RNF213: variants seen among roughly 807,000 people sequenced by gnomAD.
The protein encoded by RNF213 is E3 ubiquitin-protein ligase RNF213.
Under a neutral mutation model 514.4 loss-of-function variants are expected in RNF213, and 341 were observed. That is an observed-to-expected ratio of 0.66 (90% CI 0.61 to 0.73). The LOEUF (loss-of-function observed/expected upper bound fraction) is 0.73, where lower values mean the gene tolerates loss of function less well. Ranked by LOEUF, RNF213 falls within the 30% of genes least tolerant of loss-of-function variation. The pLI, the probability that RNF213 is intolerant of heterozygous loss-of-function variation, is 0.00. For missense variants in RNF213, 5,767 were observed against 6,615.6 expected (o/e 0.87, Z 4.45); for synonymous variants, 2,655 against 2,658.2 (o/e 1.00, Z 0.04).
Position 80,390,247 on chromosome 17 carries a change from T to C in RNF213, c.15470+51T>C, listed in dbSNP as rs370071100. ...GGGGCAGACACAATGTTGTGCTGTCTCTCCTGTGATCTTCTATAGACACAA... is the reference window on the plus strand; with the variant it reads ...GGGGCAGACACAATGTTGTGCTGTCCCTCCTGTGATCTTCTATAGACACAA... On this transcript the variant is annotated intron_variant, in intron 67 of 67. Transcript: ENST00000582970. 6.7e-5 allele frequency: 104 copies of C among 1,552,020 alleles called. 6 individuals are homozygous for C. The highest frequency in any genetic ancestry group is 2.7e-4 in the Admixed American group (16 of 59,862).
At chr17:80,313,575 ATGGAGGTGG>A in intron 15 of RNF213, among the ~76,000 whole-genome samples, 1 of 114,418 alleles carries the variant, frequency 8.7e-6, no homozygotes, top group Non-Finnish European at 1.9e-5. Context: ...GATGGTGGTC[ATGGAGGTGG>A]TGGAGGTGAT....
intron 38 of RNF213, among the ~76,000 whole-genome samples, chr17:80,360,756 G>A (rs1233324177): frequency 6.6e-6 from 1 of 152,168 alleles, no homozygotes; most frequent in African/African-American, 2.4e-5. Context: ...AAAAACCAAC[G>A]ACAACGCAAC....
chr17:80,352,795 CA>C, intron 32 of RNF213, 144 bp from the exon 33 acceptor site: 1 of 1,255,048 alleles, frequency 8.0e-7, no homozygotes, highest in African/African-American at 1.5e-5. Flanking sequence ...TGCGCAGGCC[CA>C]TTCCAGGGTT....
rs1166853173 is a variant in RNF213, at chr17:80,343,908, T to C, written c.6235T>C (p.Leu2079=). The change falls in exon 28 of 68, where the codon TTA becomes CTA. Residue 2079 remains leucine (L), a synonymous_variant. Coordinates refer to ENST00000582970, the MANE Select transcript of RNF213 (RefSeq NM_001256071.3). The surrounding 1 kb of genome is among the most constrained non-coding windows in gnomAD (Gnocchi z 4.3). ...FLFKLLILQY[L]MDINGKMWLR... ...TTTCAAGCTCCTCATTTTACAATAC[T>C]TAATGGATATAAATGGGAAAATGTG... is the stretch of plus-strand genomic sequence containing the variant. 1.2e-6 allele frequency: 2 copies of C among 1,614,084 alleles called. No homozygotes were observed. The highest frequency in any genetic ancestry group is 1.1e-5 in the South Asian group (1 of 91,086).
At position 80,363,693 on chromosome 17, in the gene RNF213, T is replaced by G; in HGVS notation, c.11653T>G (p.Leu3885Val). ...LKPSPQAWLQLVKNLSMPLEL... is the reference protein window; with the variant it reads ...LKPSPQAWLQVVKNLSMPLEL... Reference sequence around the variant, plus strand: ...GCCCAGTCCCCAGGCGTGGCTACAGTTGGTGAAGAATCTTTCCATGCCGCT... The same window carrying G: ...GCCCAGTCCCCAGGCGTGGCTACAGGTGGTGAAGAATCTTTCCATGCCGCT... The change falls in exon 41 of 68, where the codon TTG becomes GTG. Residue 3885 changes from leucine (L) to valine (V), a missense_variant. This residue lies in a region of RNF213 where 355 missense variants were observed against 358.0 expected (regional missense o/e 0.99). Transcript: ENST00000582970. 6.2e-7 allele frequency: 1 copy of G among 1,613,926 alleles called. No homozygotes were observed. The highest frequency in any genetic ancestry group is 8.5e-7 in the Non-Finnish European group (1 of 1,179,966).
chr17:80,321,788 A>T (rs185110638), intron 17 of RNF213, among the ~76,000 whole-genome samples: 2 of 152,136 alleles, frequency 1.3e-5, no homozygotes, highest in African/African-American at 4.8e-5. Context: ...CAGTGGCGTG[A>T]TCTTGGCTCA....
rs995518482 is a variant in RNF213 at position 80,397,849 on chromosome 17, A to C, written c.*4351A>C. The C allele has an allele frequency of 1.3e-5, 2 of 149,410 alleles. No individual in the cohort carries two copies. The highest frequency in any genetic ancestry group is 3.0e-5 in the Non-Finnish European group (2 of 67,664). The allele number at this position is 149,410 out of a possible 1,614,324, so 9.3% of individuals were successfully genotyped here. On this transcript the variant is annotated 3_prime_UTR_variant, in exon 68 of 68. Coordinates refer to ENST00000582970, the MANE Select transcript of RNF213 (RefSeq NM_001256071.3). ...GTTGAGGCAGCCCCTCAGACGGCTT[A>C]GGCCTGCCCTGTGGAGCATCCCTGT...
intron 54 of RNF213, among the ~76,000 whole-genome samples, chr17:80,379,255 A>G (rs1414731129): frequency 6.6e-6 from 1 of 152,252 alleles, no homozygotes; most frequent in South Asian, 2.1e-4. Context: ...AAGCTCTTCT[A>G]GTATTCTTGG....
At chr17:80,370,940 A>G (rs1214925826) in intron 46 of RNF213, among the ~76,000 whole-genome samples, 1 of 152,176 alleles carries the variant, frequency 6.6e-6, no homozygotes, top group Non-Finnish European at 1.5e-5. Context: ...ATTCTCCACT[A>G]TGAGCTTGTG....
At chr17:80,390,616 C>A (rs1896926905) in intron 67 of RNF213, among the ~76,000 whole-genome samples, 1 of 151,312 alleles carries the variant, frequency 6.6e-6, no homozygotes, top group African/African-American at 2.4e-5. Flanking sequence ...AGGCTGGTCT[C>A]GAACTCCTGG....
intron 31 of RNF213, 30 bp from the exon 32 acceptor site, chr17:80,351,655 A>G (rs1208686734): frequency 8.5e-7 from 1 of 1,171,774 alleles, no homozygotes; most frequent in South Asian, 1.3e-5. Context: ...TGTTTTTAAA[A>G]TAGGTATTCT....
At chr17:80,385,214 G>T in intron 60 of RNF213, 43 bp downstream of exon 60, 8 of 1,613,620 alleles carry the variant, frequency 5.0e-6, no homozygotes, top group Non-Finnish European at 5.1e-6. Context: ...CCCGCATTTG[G>T]CGGTTCGAAA....
chr17:80,283,052 G>T (rs2044352626), intron 3 of RNF213, among the ~76,000 whole-genome samples: 1 of 152,006 alleles, frequency 6.6e-6, no homozygotes, highest in Non-Finnish European at 1.5e-5. Flanking sequence ...AAATGTAGGG[G>T]GATATTTATA....
In RNF213 at chr17:80,343,355, C is replaced by T; in HGVS notation, c.6183+30C>T. 1.9e-6 allele frequency: 3 copies of T among 1,590,464 alleles called. No individual in the cohort carries two copies. Among genetic ancestry groups the T allele is most frequent in the Non-Finnish European group, 2.6e-6 (3 of 1,163,776 alleles). On this transcript the variant is annotated intron_variant, in intron 27 of 67. Coordinates refer to ENST00000582970, the MANE Select transcript of RNF213 (RefSeq NM_001256071.3). The surrounding 1 kb of genome is among the most constrained non-coding windows in gnomAD (Gnocchi z 4.3). The stretch of plus-strand genomic sequence containing the variant: ...GTGCCCTCCAGCGTCAGCCGATGGC[C>T]ACATCAGTAAAGACGTGGTCCCCAT...
At chr17:80,335,282 C>G (rs950720082) in intron 22 of RNF213, among the ~76,000 whole-genome samples, 2 of 152,122 alleles carry the variant, frequency 1.3e-5, no homozygotes, top group African/African-American at 2.4e-5. Context: ...TTCTTGGCAG[C>G]CTCTTCAGTT....
intron 36 of RNF213, among the ~76,000 whole-genome samples, chr17:80,356,378 C>T (rs2078822054): frequency 6.6e-6 from 1 of 152,222 alleles, no homozygotes; most frequent in Non-Finnish European, 1.5e-5. Context: ...TCTGCTCTTC[C>T]CCACTCTGCT....
At chr17:80,295,468 T>G in intron 9 of RNF213, 89 bp from the exon 10 acceptor site, 6 of 1,549,328 alleles carry the variant, frequency 3.9e-6, no homozygotes, top group Non-Finnish European at 5.3e-6. Flanking sequence ...TGGGGTCTGC[T>G]GCCCTAGCTG....
At chr17:80,371,847 C>T in intron 46 of RNF213, 27 bp from the exon 47 acceptor site, 1 of 1,163,318 alleles carries the variant, frequency 8.6e-7, no homozygotes. Flanking sequence ...TCTGAGAGAA[C>T]CAGGAATAAT....
rs144398532 is a variant in RNF213 at position 80,267,755 on chromosome 17, C to T, written c.97+3977C>T. Among the ~76,000 whole-genome samples, 265 of 152,036 alleles carry T rather than the reference C, an allele frequency of 1.7e-3. 8 individuals are homozygous for T. The South Asian group carries it at 0.036, about 20-fold the overall frequency. ...GCAGCGAGTGCTGCTGGAGAAGCTG[C>T]AGTAAGTTCTCCAGATCTGGCTAAG... On this transcript the variant is annotated intron_variant, in intron 2 of 67. Transcript: ENST00000582970.
Sources: gnomAD v4.1 joint callset for allele counts (sites outside exome capture counted in the v4.1 genomes callset) on GRCh38, gnomAD v4.1.1 for gene constraint, gnomAD v4.1.1 regional missense constraint, Gnocchi (gnomAD v3.1) non-coding constraint, MANE v1.5 for transcripts, NCBI Gene and HGNC (gene_info 2026-07-23, HGNC 2026-07-21) for gene names.